Variants in SORCS2 observed in about 807,000 individuals in gnomAD.
SORCS2 encodes sortilin related VPS10 domain containing receptor 2, also known as VPS10 domain-containing receptor SorCS2.
SORCS2 carries 100 observed loss-of-function variants against 141.6 expected under a neutral mutation model. That is an observed-to-expected ratio of 0.71 (90% CI 0.60 to 0.83). SORCS2 has a LOEUF of 0.83. Among genes scored for constraint, SORCS2 ranks in the 40% least tolerant of loss-of-function variants. The pLI is 0.00. For missense variants in SORCS2, 1,646 were observed against 1,560.2 expected (o/e 1.05, Z -0.93); for synonymous variants, 789 against 676.9 (o/e 1.17, Z -2.57).
At chr4:7,355,718 GA>G (rs1411371886) in intron 1 of SORCS2, among the ~76,000 whole-genome samples, 2 of 152,348 alleles carry the variant, frequency 1.3e-5, no homozygotes, top group South Asian at 2.1e-4. Flanking sequence ...GGTAAATGAG[GA>G]AAATATGAAC....
At chr4:7,313,529 C>T (rs201624354) in intron 1 of SORCS2, among the ~76,000 whole-genome samples, 3 of 152,060 alleles carry the variant, frequency 2.0e-5, no homozygotes, top group African/African-American at 4.8e-5. Context: ...GTTCCAGGCA[C>T]GGGGAGGAAG....
chr4:7,195,762 C>G lies in SORCS2; in HGVS notation c.480+2636C>G, dbSNP rs34034463. Among the ~76,000 whole-genome samples the G allele has an allele frequency of 4.7e-3, 722 of 152,310 alleles. 4 individuals carry two copies. Among genetic ancestry groups the G allele is most frequent in the South Asian group, 0.016 (75 of 4,824 alleles). ...CAACCACAGGACTAAAGATTTCAGC[C>G]AGGATTTGGCAGTGGGTTTCACGTC... On this transcript the variant is annotated intron_variant, in intron 1 of 26. Transcript: ENST00000507866.
At chr4:7,364,199 A>G (rs532789182) in intron 1 of SORCS2, among the ~76,000 whole-genome samples, 4 of 152,332 alleles carry the variant, frequency 2.6e-5, no homozygotes, top group South Asian at 4.1e-4. Flanking sequence ...GCTGGGGATT[A>G]GAATCCAGGT....
intron 5 of SORCS2, among the ~76,000 whole-genome samples, chr4:7,654,493 T>C (rs988708808): frequency 2.6e-5 from 4 of 152,214 alleles, no homozygotes; most frequent in Non-Finnish European, 5.9e-5. Flanking sequence ...GAACCAGCTA[T>C]GTGGCCCTGT....
chr4:7,583,307 T>C (rs1042154685), intron 3 of SORCS2, among the ~76,000 whole-genome samples: 12 of 152,188 alleles, frequency 7.9e-5, no homozygotes, highest in Non-Finnish European at 1.8e-4. Context: ...ATGTCACTGA[T>C]GGTTTGCTCC....
chr4:7,582,338 C>G (rs1037588260), intron 3 of SORCS2, among the ~76,000 whole-genome samples: 6 of 152,220 alleles, frequency 3.9e-5, no homozygotes, highest in Admixed American at 1.3e-4. Context: ...TCCTGAAGCC[C>G]TTTGTGTGAA....
chr4:7,609,739 G>A (rs979822984), intron 3 of SORCS2, among the ~76,000 whole-genome samples: 49 of 152,034 alleles, frequency 3.2e-4, no homozygotes, highest in Non-Finnish European at 5.4e-4. Flanking sequence ...CACCCCCACC[G>A]CCCCCATGAC....
At chr4:7,483,957 T>G (rs1730817376) in intron 2 of SORCS2, among the ~76,000 whole-genome samples, 1 of 152,192 alleles carries the variant, frequency 6.6e-6, no homozygotes, top group South Asian at 2.1e-4. Context: ...AACGAGTCTT[T>G]CAGAAAGTAG....
intron 4 of SORCS2, among the ~76,000 whole-genome samples, chr4:7,643,131 T>C (rs181636135): frequency 1.5e-4 from 23 of 152,334 alleles, no homozygotes; most frequent in African/African-American, 5.3e-4. Context: ...TTCCATGACT[T>C]TACAATGCTT....
intron 4 of SORCS2, among the ~76,000 whole-genome samples, chr4:7,640,243 C>G (rs1720614627): frequency 8.5e-6 from 1 of 117,494 alleles, no homozygotes; most frequent in Non-Finnish European, 1.8e-5. Context: ...TGTGTGAGAA[C>G]CTATGTGAGT....
intron 1 of SORCS2, among the ~76,000 whole-genome samples, chr4:7,247,603 G>A (rs747817747): frequency 1.8e-4 from 28 of 152,228 alleles, no homozygotes; most frequent in Non-Finnish European, 3.1e-4. Context: ...TAAACAGGGC[G>A]TGTTAGGGTT....
Position 7,726,902 on chromosome 4 carries a change from G to T in SORCS2, c.2868G>T (p.Leu956=). The T allele has an allele frequency of 6.2e-7, 1 of 1,612,086 alleles. No individual in the cohort carries two copies. Among genetic ancestry groups the T allele is most frequent in the Non-Finnish European group, 8.5e-7 (1 of 1,178,576 alleles). Residue 956 remains leucine, a splice_region_variant and synonymous_variant, in exon 21 of 27, where the codon CTG becomes CTT. Transcript: ENST00000507866. ...AGGACTCCAGGGTCCTCCGTGTGCTGGGTAAGTACTTCCTGGGGTCTGGCA... is the reference window on the plus strand; with the variant it reads ...AGGACTCCAGGGTCCTCCGTGTGCTTGGTAAGTACTTCCTGGGGTCTGGCA... ...VLQDSRVLRV[L]DQFQVMPLQF... is the part of the protein sequence containing the mutation.
chr4:7,312,517 C>T (rs1013815372), intron 1 of SORCS2, among the ~76,000 whole-genome samples: 16 of 152,172 alleles, frequency 1.1e-4, no homozygotes, highest in Admixed American at 5.9e-4. Flanking sequence ...CTACCTGTCT[C>T]TGGTGTTAGC....
intron 2 of SORCS2, among the ~76,000 whole-genome samples, chr4:7,503,198 A>G (rs1414810141): frequency 6.6e-6 from 1 of 152,200 alleles, no homozygotes; most frequent in Admixed American, 6.5e-5. Context: ...TCTCCTTCAT[A>G]GGGCTTTCAA....
chr4:7,632,254 C>G (rs966975474), intron 3 of SORCS2, among the ~76,000 whole-genome samples: 1 of 146,280 alleles, frequency 6.8e-6, no homozygotes, highest in Non-Finnish European at 1.5e-5. Context: ...AAGCATTTCT[C>G]TTTACCATGT....
At position 7,639,941 on chromosome 4, in the gene SORCS2, GTT is replaced by G. The variant is rs533029562; in HGVS notation, c.813+1451_813+1452del. ...TGTGTGTTTGTGAGAATATGTCTGT[GTT>G]TGTGAGAATGAGTGTGGGTGTGAAT... is the stretch of plus-strand genomic sequence containing the variant. On this transcript the variant is annotated intron_variant, in intron 4 of 26. Transcript: ENST00000507866. 2.9e-4 allele frequency among the ~76,000 whole-genome samples: 4 copies of G among 13,848 alleles called. No homozygotes were observed. The Admixed American group carries it at 5.4e-3, about 19-fold the overall frequency. The allele number at this position is 13,848 out of a possible 152,430, so 9.1% of individuals were successfully genotyped here.
intron 2 of SORCS2, among the ~76,000 whole-genome samples, chr4:7,478,950 C>T (rs1251263695): frequency 1.3e-5 from 2 of 152,212 alleles, no homozygotes; most frequent in Non-Finnish European, 2.9e-5. Context: ...CTGACGGGCT[C>T]TCCTGATAGC....
intron 1 of SORCS2, among the ~76,000 whole-genome samples, chr4:7,373,458 T>TTTATATATATATATATATATA (rs1553850462): frequency 1.2e-5 from 1 of 82,832 alleles, no homozygotes; most frequent in African/African-American, 7.1e-5. Flanking sequence ...TGAGAAACTT[T>TTTATATATATATATATATATA]TATATATATA....
In SORCS2 at chr4:7,318,018, C is replaced by G. The variant is rs185447481; in HGVS notation, c.481-78270C>G. ...ACGAGCACGTGTTCATACAACTGTC[C>G]AGCCTGTTTGATGTGAAGGACGCAG... On this transcript the variant is annotated intron_variant, in intron 1 of 26. Transcript: ENST00000507866. Among the ~76,000 whole-genome samples the G allele has an allele frequency of 6.6e-5, 10 of 152,308 alleles. No individual in the cohort carries two copies. In the East Asian group the frequency reaches 1.9e-3, roughly 29 times the overall value.
Sources: allele counts gnomAD v4.1 joint callset (sites outside exome capture counted in the v4.1 genomes callset), GRCh38; gene constraint gnomAD v4.1.1; transcripts MANE v1.5; gene names NCBI Gene and HGNC (gene_info 2026-07-23, HGNC 2026-07-21).